The following FAM81B variants were observed in gnomAD, a reference collection of about 807,000 sequenced individuals.
FAM81B encodes family with sequence similarity 81 member B, also known as protein FAM81B.
A neutral mutation model predicts 58.7 loss-of-function variants in FAM81B; 60 were observed. That is an observed-to-expected ratio of 1.02 (90% confidence interval 0.83 to 1.27). The LOEUF is 1.27. Among genes scored for constraint, FAM81B ranks in the 50% most tolerant of loss-of-function variants. The probability of loss-of-function intolerance (pLI) is 0.00; values close to 1 mark genes in which losing one functional copy is unlikely to be tolerated. For synonymous variants in FAM81B, 189 were observed against 179.6 expected, an observed-to-expected ratio of 1.05 and a Z score of -0.42; for missense variants, 491 against 522.0, an observed-to-expected ratio of 0.94 and a Z score of 0.58.
chr5:95,427,013 C>G (rs1411182704), intron 5 of FAM81B, among the ~76,000 whole-genome samples: 2 of 152,046 alleles, frequency 1.3e-5, no homozygotes, highest in Non-Finnish European at 2.9e-5. Context: ...TGTGCCACTG[C>G]ACTCCAGCCT....
At chr5:95,443,848 A>AT (rs1178329917) in intron 7 of FAM81B, among the ~76,000 whole-genome samples, 2 of 152,192 alleles carry the variant, frequency 1.3e-5, no homozygotes, top group African/African-American at 2.4e-5. Flanking sequence ...CAGAATTTCA[A>AT]TTACTGATAT....
chr5:95,406,364 T>C (rs996370884), intron 3 of FAM81B: 3 of 153,320 alleles, frequency 2.0e-5, no homozygotes, highest in Non-Finnish European at 2.9e-5. Flanking sequence ...ATATATTAGG[T>C]ACCATGGCTC....
chr5:95,430,436 T>A (rs1027103957), intron 6 of FAM81B, among the ~76,000 whole-genome samples: 54 of 145,644 alleles, frequency 3.7e-4, no homozygotes, highest in Admixed American at 9.6e-4. Context: ...GCTATGCTTT[T>A]AAAAAAAAAA....
Position 95,407,880 on chromosome 5 carries a change from C to G in FAM81B, c.294-6067C>G, listed in dbSNP as rs533831608. Among the ~76,000 whole-genome samples, 9 of 152,282 alleles carry G rather than the reference C, an allele frequency of 5.9e-5. No individual in the cohort carries two copies. The South Asian group carries it at 6.2e-4, about 11-fold the overall frequency. ...TATCCATTGCTGTGTAGCAAAGTATCTCAAAACTCAGCGGCATAAAACAGC... is the reference window on the plus strand; with the variant it reads ...TATCCATTGCTGTGTAGCAAAGTATGTCAAAACTCAGCGGCATAAAACAGC... On this transcript the variant is annotated intron_variant, in intron 3 of 9. Coordinates refer to ENST00000283357, the MANE Select transcript of FAM81B (RefSeq NM_152548.3).
chr5:95,442,759 A>C (rs891673164), intron 7 of FAM81B, among the ~76,000 whole-genome samples: 6 of 152,210 alleles, frequency 3.9e-5, no homozygotes, highest in African/African-American at 1.4e-4. Flanking sequence ...CATTAAGAAG[A>C]AATTAGTTTG....
At chr5:95,440,463 A>G in intron 7 of FAM81B, 1 of 636,592 alleles carries the variant, frequency 1.6e-6, no homozygotes, top group Non-Finnish European at 3.0e-6. Flanking sequence ...GACAGGATGC[A>G]GTTGCTAAGG....
chr5:95,414,805 T>C (rs1365432453), intron 4 of FAM81B, among the ~76,000 whole-genome samples: 1 of 152,214 alleles, frequency 6.6e-6, no homozygotes, highest in Non-Finnish European at 1.5e-5. Flanking sequence ...TGACATTTTA[T>C]AAAATAGCAC....
intron 3 of FAM81B, among the ~76,000 whole-genome samples, chr5:95,399,619 G>C (rs1200070110): frequency 2.0e-5 from 3 of 152,156 alleles, no homozygotes; most frequent in Admixed American, 6.5e-5. Flanking sequence ...CTAAGAGGCT[G>C]TCTGGATTCT....
At chr5:95,396,376 C>T (rs2152760145) in intron 3 of FAM81B, among the ~76,000 whole-genome samples, 1 of 152,282 alleles carries the variant, frequency 6.6e-6, no homozygotes, top group East Asian at 1.9e-4. Flanking sequence ...TTCTGATTGA[C>T]AGAACAAGCA....
At chr5:95,412,715 C>T (rs1762437088) in intron 3 of FAM81B, among the ~76,000 whole-genome samples, 2 of 152,130 alleles carry the variant, frequency 1.3e-5, no homozygotes, top group South Asian at 4.1e-4. Context: ...CTGCAAAGTC[C>T]ACCAAATCTT....
At chr5:95,431,297 G>T (rs1744878854) in intron 6 of FAM81B, among the ~76,000 whole-genome samples, 1 of 151,976 alleles carries the variant, frequency 6.6e-6, no homozygotes, top group Non-Finnish European at 1.5e-5. Context: ...TGGCTTTGTT[G>T]TTTACACTTA....
chr5:95,429,737 C>T lies in FAM81B; in HGVS notation c.786+1005C>T, dbSNP rs565630228. 9.2e-5 allele frequency among the ~76,000 whole-genome samples: 14 copies of T among 152,210 alleles called. No individual in the cohort carries two copies. The South Asian group carries it at 2.9e-3, about 32-fold the overall frequency. ...TTTCTTAAAGTCTTGAGCAGAAATT[C>T]CAGAATACTGTTAAATAAAAGTGGT... On this transcript the variant is annotated intron_variant, in intron 6 of 9. Coordinates refer to ENST00000283357, the MANE Select transcript of FAM81B (RefSeq NM_152548.3).
intron 6 of FAM81B, among the ~76,000 whole-genome samples, chr5:95,429,736 T>C (rs1047311871): frequency 7.2e-5 from 11 of 152,228 alleles, no homozygotes; most frequent in Non-Finnish European, 1.5e-4. Context: ...GAGCAGAAAT[T>C]CCAGAATACT....
At chr5:95,434,498 G>A (rs938591477) in intron 6 of FAM81B, among the ~76,000 whole-genome samples, 1 of 152,176 alleles carries the variant, frequency 6.6e-6, no homozygotes, top group Non-Finnish European at 1.5e-5. Flanking sequence ...CTGTGATTAA[G>A]TTAGGCCCAC....
chr5:95,395,311 C>T (rs1012114290), intron 2 of FAM81B, among the ~76,000 whole-genome samples: 9 of 151,860 alleles, frequency 5.9e-5, no homozygotes, highest in Admixed American at 2.6e-4. Context: ...GGCGTGGTGG[C>T]GGGCGCCTGT....
At chr5:95,448,745 G>C in intron 9 of FAM81B, 1 of 459,860 alleles carries the variant, frequency 2.2e-6, no homozygotes, top group Non-Finnish European at 4.2e-6. Flanking sequence ...ACTAATTCAT[G>C]GAATTGTCAG....
rs1005777312 is a variant in FAM81B at position 95,450,418 on chromosome 5, A to C, written c.*136A>C. ...TTAAGGAGACGAATGTACCAGAAAA[A>C]TAATAAAGCAAAGAAGCTTCGGATG... On this transcript the variant is annotated 3_prime_UTR_variant, in exon 10 of 10. Coordinates refer to ENST00000283357, the MANE Select transcript of FAM81B (RefSeq NM_152548.3). 5 of 1,426,666 alleles carry C rather than the reference A, an allele frequency of 3.5e-6. No individual in the cohort carries two copies. The African/African-American group carries it at 4.4e-5, about 13-fold the overall frequency. The allele number at this position is 1,426,666 out of a possible 1,614,324, so 88.4% of individuals were successfully genotyped here.
intron 7 of FAM81B, among the ~76,000 whole-genome samples, chr5:95,445,807 G>A (rs1449139674): frequency 6.6e-6 from 1 of 151,966 alleles, no homozygotes; most frequent in Non-Finnish European, 1.5e-5. Flanking sequence ...GGTTCTTTGG[G>A]GGCTTTTCTC....
intron 5 of FAM81B, chr5:95,424,042 T>C (rs1762759301): frequency 7.8e-7 from 1 of 1,289,444 alleles, no homozygotes; most frequent in African/African-American, 1.5e-5. Context: ...ATCATTTCTA[T>C]CATCTAGGAC....
Sources: allele counts gnomAD v4.1 joint callset (sites outside exome capture counted in the v4.1 genomes callset), GRCh38; gene constraint gnomAD v4.1.1; transcripts MANE v1.5; gene names NCBI Gene and HGNC (gene_info 2026-07-23, HGNC 2026-07-21).